RNF146: variants seen among roughly 807,000 people sequenced by gnomAD.
The protein encoded by RNF146 is ring finger protein 146.
Under a neutral mutation model 29.7 loss-of-function variants are expected in RNF146, and 11 were observed. The ratio of observed to expected loss-of-function variants is 0.37; its 90% confidence interval spans 0.23 to 0.61. The LOEUF is 0.61. Ranked by LOEUF, RNF146 falls within the 20% of genes least tolerant of loss-of-function variation. The pLI, the probability that RNF146 is intolerant of heterozygous loss-of-function variation, is 0.66. For synonymous variants in RNF146, 150 were observed against 159.7 expected (o/e 0.94, Z 0.46); for missense variants, 342 against 438.9 (o/e 0.78, Z 1.97).
intron 1 of RNF146, among the ~76,000 whole-genome samples, chr6:127,267,512 G>A (rs534503080): frequency 6.6e-6 from 1 of 152,306 alleles, no homozygotes; most frequent in South Asian, 2.1e-4. Flanking sequence ...CCTTGGGTCA[G>A]ATCGAAGCCA....
intron 1 of RNF146, among the ~76,000 whole-genome samples, chr6:127,272,655 G>A (rs993636768): frequency 2.0e-5 from 3 of 152,126 alleles, no homozygotes; most frequent in Admixed American, 2.0e-4. Flanking sequence ...GTTGTTCTAC[G>A]CAAATGTATT....
At chr6:127,284,488 T>A (rs1779270262) in intron 2 of RNF146, among the ~76,000 whole-genome samples, 2 of 151,852 alleles carry the variant, frequency 1.3e-5, no homozygotes. Flanking sequence ...TAAATAAATA[T>A]GGAACTTGGA....
At chr6:127,277,941 A>G (rs1778448771) in intron 1 of RNF146, among the ~76,000 whole-genome samples, 1 of 152,074 alleles carries the variant, frequency 6.6e-6, no homozygotes, top group East Asian at 1.9e-4. Flanking sequence ...TTGGTAGGAT[A>G]AGTCAGCTTG....
chr6:127,287,640 G>A lies in RNF146; in HGVS notation c.1027G>A (p.Val343Ile). ...AGTAGCAGGGGGTGGAACAGTGAGT[G>A]TCAGTGTCAGATCTAGAAGGCCTGA... ...RSVAGGGTVSVSVRSRRPDGQ... is the reference protein window; with the variant it reads ...RSVAGGGTVSISVRSRRPDGQ... The change falls in exon 3 of 3, where the codon GTC (valine) becomes ATC (isoleucine). Residue 343 changes from valine to isoleucine, a missense_variant. By Grantham distance (29) the Val-to-Ile change is conservative. Coordinates refer to ENST00000368314, the MANE Select transcript of RNF146 (RefSeq NM_001242850.2). 3.7e-6 allele frequency: 6 copies of A among 1,609,892 alleles called. No individual in the cohort carries two copies. Among genetic ancestry groups the A allele is most frequent in the Non-Finnish European group, 5.1e-6 (6 of 1,177,256 alleles).
At chr6:127,281,896 C>T (rs1330916827) in intron 2 of RNF146, among the ~76,000 whole-genome samples, 1 of 151,328 alleles carries the variant, frequency 6.6e-6, no homozygotes, top group Non-Finnish European at 1.5e-5. Context: ...AATGATAAGA[C>T]AGTAAAGGTA....
chr6:127,286,934 T>C lies in RNF146; in HGVS notation c.321T>C (p.Tyr107=). ...ASRGNGEYAW[Y]YEGRNGWWQY... ...GAGGAAATGGTGAATATGCATGGTA[T>C]TATGAAGGAAGAAATGGGTGGTGGC... is the stretch of plus-strand genomic sequence containing the variant. Residue 107 remains tyrosine (Y), a synonymous_variant, in exon 3 of 3, where the codon TAT becomes TAC. Coordinates refer to ENST00000368314, the MANE Select transcript of RNF146 (RefSeq NM_001242850.2). This position sits in a 1 kb window ranked among gnomAD's most constrained non-coding sequence, Gnocchi z 4.6. The C allele has an allele frequency of 6.2e-7, 1 of 1,613,400 alleles. No individual in the cohort carries two copies. The highest frequency in any genetic ancestry group is 1.1e-5 in the South Asian group (1 of 91,072).
intron 1 of RNF146, among the ~76,000 whole-genome samples, chr6:127,273,054 C>T (rs1224674802): frequency 1.3e-5 from 1 of 79,772 alleles, no homozygotes; most frequent in Non-Finnish European, 2.9e-5. Context: ...AATTTAACTT[C>T]TTGTAATGGC....
Position 127,286,091 on chromosome 6 carries a change from ATGAT to A in RNF146, c.3-522_3-519del. The A allele has an allele frequency of 8.1e-7, 1 of 1,229,528 alleles. No individual in the cohort carries two copies. The highest frequency in any genetic ancestry group is 4.2e-5 in the Admixed American group (1 of 23,636). The allele number at this position is 1,229,528 out of a possible 1,614,324, so 76.2% of individuals were successfully genotyped here. ...ATGTTATTTTCTCCTTTGGTCTTAT[ATGAT>A]TGTTACCTTTATGAAGCTTTAGTGA... is the stretch of plus-strand genomic sequence containing the variant. On this transcript the variant is annotated intron_variant, in intron 2 of 2. Coordinates refer to ENST00000368314, the MANE Select transcript of RNF146 (RefSeq NM_001242850.2). The surrounding 1 kb of genome is among the most constrained non-coding windows in gnomAD (Gnocchi z 4.6).
At chr6:127,271,486 AATTC>A (rs1440506615) in intron 1 of RNF146, among the ~76,000 whole-genome samples, 1 of 152,180 alleles carries the variant, frequency 6.6e-6, no homozygotes, top group Admixed American at 6.5e-5. Flanking sequence ...ATTAACATTG[AATTC>A]ATTGTCTCTA....
intron 1 of RNF146, among the ~76,000 whole-genome samples, chr6:127,269,734 T>TA (rs1041054116): frequency 1.3e-5 from 2 of 152,178 alleles, no homozygotes; most frequent in African/African-American, 2.4e-5. Context: ...GACTGGTTTA[T>TA]AAAAAATACT....
chr6:127,278,533 T>A (rs1397638614), intron 1 of RNF146, among the ~76,000 whole-genome samples: 1 of 152,092 alleles, frequency 6.6e-6, no homozygotes, highest in Non-Finnish European at 1.5e-5. Flanking sequence ...TATTACTGAA[T>A]AATGTACTGT....
intron 2 of RNF146, chr6:127,285,336 A>G: frequency 1.0e-6 from 1 of 985,032 alleles, no homozygotes; most frequent in Non-Finnish European, 1.2e-6. Context: ...TTGTTTTTCA[A>G]TTTTTGATGA....
At position 127,270,694 on chromosome 6, in the gene RNF146, T is replaced by C. The variant is rs535396221; in HGVS notation, c.-109+3769T>C. 4.7e-4 allele frequency among the ~76,000 whole-genome samples: 72 copies of C among 152,318 alleles called. 1 individual carries two copies. Among genetic ancestry groups the C allele is most frequent in the African/African-American group, 1.5e-3 (61 of 41,576 alleles). On this transcript the variant is annotated intron_variant, in intron 1 of 2. Transcript: ENST00000368314. Reference sequence around the variant, plus strand: ...AGTTCCACTTATACAATACTTTTTTTTTCTGCCCCTGCCACCCCTGAGAGA... The same window carrying C: ...AGTTCCACTTATACAATACTTTTTTCTTCTGCCCCTGCCACCCCTGAGAGA...
Position 127,286,385 on chromosome 6 carries a change from A to T in RNF146, c.3-231A>T. On this transcript the variant is annotated intron_variant, in intron 2 of 2. Coordinates refer to ENST00000368314, the MANE Select transcript of RNF146 (RefSeq NM_001242850.2). This position sits in a 1 kb window ranked among gnomAD's most constrained non-coding sequence, Gnocchi z 4.6. ...GTGTTTCTCCAGGGCTGATCTGTTA[A>T]GTGCACTGATGGAATTTTTATACAT... 1.6e-6 allele frequency: 1 copy of T among 638,200 alleles called. No individual in the cohort carries two copies. Among genetic ancestry groups the T allele is most frequent in the East Asian group, 2.9e-5 (1 of 34,280 alleles). The allele number at this position is 638,200 out of a possible 1,614,324, so 39.5% of individuals were successfully genotyped here.
rs1439956095 is a variant in RNF146, at chr6:127,286,983, G to C, written c.370G>C (p.Glu124Gln). 2 of 1,613,506 alleles carry C rather than the reference G, an allele frequency of 1.2e-6. No individual in the cohort carries two copies. Among genetic ancestry groups the C allele is most frequent in the Admixed American group, 1.7e-5 (1 of 59,914 alleles). The change falls in exon 3 of 3, where the codon GAG (glutamate) becomes CAG (glutamine). Residue 124 changes from glutamate (E) to glutamine (Q), a missense_variant. Glu to Gln is a conservative substitution (Grantham distance 29). Transcript: ENST00000368314. This position sits in a 1 kb window ranked among gnomAD's most constrained non-coding sequence, Gnocchi z 4.6. ...GCAGTACGATGAGCGCACTAGTAGA[G>C]AGCTGGAAGATGCTTTTTCCAAAGG... ...WWQYDERTSR[E>Q]LEDAFSKGKK...
At chr6:127,281,901 A>G (rs1778958150) in intron 2 of RNF146, among the ~76,000 whole-genome samples, 1 of 151,560 alleles carries the variant, frequency 6.6e-6, no homozygotes, top group Non-Finnish European at 1.5e-5. Flanking sequence ...TAAGACAGTA[A>G]AGGTAAAGAT....
At chr6:127,278,349 A>G (rs1045833346) in intron 1 of RNF146, among the ~76,000 whole-genome samples, 1 of 152,014 alleles carries the variant, frequency 6.6e-6, no homozygotes, top group Non-Finnish European at 1.5e-5. Flanking sequence ...CTCTGTACCC[A>G]TTAGGCAATA....
At chr6:127,274,273 G>A (rs1281599367) in intron 1 of RNF146, among the ~76,000 whole-genome samples, 3 of 152,044 alleles carry the variant, frequency 2.0e-5, no homozygotes, top group African/African-American at 7.2e-5. Context: ...AGTTTTATAG[G>A]AAAGATCACA....
At chr6:127,279,391 G>C (rs1013353558) in intron 1 of RNF146, among the ~76,000 whole-genome samples, 1 of 151,844 alleles carries the variant, frequency 6.6e-6, no homozygotes. Context: ...TTCCCCCATT[G>C]AGTAGACTTG....
Sources: allele counts gnomAD v4.1 joint callset (sites outside exome capture counted in the v4.1 genomes callset), GRCh38; gene constraint gnomAD v4.1.1; non-coding constraint Gnocchi (gnomAD v3.1); transcripts MANE v1.5; gene names NCBI Gene and HGNC (gene_info 2026-07-23, HGNC 2026-07-21).